LRRC42: variants seen among roughly 807,000 people sequenced by gnomAD.
LRRC42 encodes leucine-rich repeat-containing protein 42.
In LRRC42, 43 loss-of-function variants were observed where a neutral mutation model predicts 44.3. The ratio of observed to expected loss-of-function variants is 0.97; its 90% CI spans 0.76 to 1.25. The LOEUF is 1.25. Among genes scored for constraint, LRRC42 ranks in the 50% most tolerant of loss-of-function variants. LRRC42 has a pLI of 0.00. For synonymous variants in LRRC42, 207 were observed against 195.2 expected, an observed-to-expected ratio of 1.06 and a Z score of -0.50; for missense variants, 540 against 509.1, an observed-to-expected ratio of 1.06 and a Z score of -0.58.
At chr1:53,952,557 C>T (rs1190061604) in intron 3 of LRRC42, 85 bp downstream of exon 3, 24 of 1,121,522 alleles carry the variant, frequency 2.1e-5, no homozygotes, top group Non-Finnish European at 2.9e-5. Context: ...TCAGGGGCTT[C>T]CCTCATCAAA....
rs774913595 is a variant in LRRC42, at chr1:53,962,413, C to T, written c.927+4C>T. The T allele has an allele frequency of 6.3e-6, 10 of 1,586,474 alleles. No individual in the cohort carries two copies. The East Asian group carries it at 6.7e-5, about 11-fold the overall frequency. On this transcript the variant is annotated splice_donor_region_variant and intron_variant, in intron 7 of 8. Coordinates refer to ENST00000371370, the MANE Select transcript of LRRC42 (RefSeq NM_001256409.2). ...GACAGAGGGCTGGGCTGACCAGGTA[C>T]TCCAGATTTTTCTTCCTTGCGGTTG...
intron 4 of LRRC42, among the ~76,000 whole-genome samples, chr1:53,959,357 G>T (rs944289720): frequency 6.6e-6 from 1 of 152,140 alleles, no homozygotes. Flanking sequence ...CTGATCTCAG[G>T]TTATTCTGGC....
At position 53,966,360 on chromosome 1, in the gene LRRC42, G is replaced by A. The variant is rs1557650173; in HGVS notation, c.992G>A (p.Arg331Lys). Residue 331 changes from arginine to lysine, a missense_variant, in exon 8 of 9, where the codon AGA becomes AAA. Arg to Lys is a conservative substitution (Grantham distance 26). Coordinates refer to ENST00000371370, the MANE Select transcript of LRRC42 (RefSeq NM_001256409.2). ...AAGCCACGGGAGACCTCGGAGCCTA[G>A]AGCAGCAGCTCAGCGCTTCTGTGAG... The part of the protein sequence containing the change: ...AVKPRETSEP[R>K]AAAQRFYGKR... 1 of 1,613,742 alleles carries A rather than the reference G, an allele frequency of 6.2e-7. No homozygotes were observed. Among genetic ancestry groups the A allele is most frequent in the East Asian group, 2.2e-5 (1 of 44,884 alleles).
chr1:53,957,086 C>CTT (rs1017136894), intron 3 of LRRC42, among the ~76,000 whole-genome samples: 2 of 152,118 alleles, frequency 1.3e-5, no homozygotes, highest in Admixed American at 1.3e-4. Context: ...TTGAGTACAT[C>CTT]TTTTTTTGGT....
At chr1:53,965,193 A>C (rs1480534566) in intron 7 of LRRC42, among the ~76,000 whole-genome samples, 1 of 150,894 alleles carries the variant, frequency 6.6e-6, no homozygotes, top group East Asian at 2.0e-4. Context: ...GGGTTTGACC[A>C]TGTTGGCCAG....
chr1:53,958,260 C>G lies in LRRC42; in HGVS notation c.585C>G (p.Leu195=). ...ATGAGCATGAACTTCTAGAACATCT[C>G]ACCAATGAAGCCCTGTCTAGGTACT... is the stretch of plus-strand genomic sequence containing the variant. ...LGDEHELLEH[L]TNEALSSVTQ... Residue 195 remains leucine, a synonymous_variant, in exon 4 of 9, where the codon CTC becomes CTG. Transcript: ENST00000371370. The G allele has an allele frequency of 1.2e-6, 2 of 1,613,726 alleles. No homozygotes were observed. The highest frequency in any genetic ancestry group is 1.7e-6 in the Non-Finnish European group (2 of 1,179,708).
chr1:53,967,763 C>G lies in LRRC42; in HGVS notation c.1111C>G (p.Pro371Ala). ...EKLQFYKEKA[P>A]DCHGPVLKHE... ...ACTCCAGTTCTATAAAGAGAAAGCC[C>G]CAGATTGCCATGGGCCAGTGTTGAA... The change falls in exon 9 of 9, where the codon CCA becomes GCA. Residue 371 changes from proline (P) to alanine (A), a missense_variant. Pro to Ala is a conservative substitution (Grantham distance 27, BLOSUM62 -1). Coordinates refer to ENST00000371370, the MANE Select transcript of LRRC42 (RefSeq NM_001256409.2). The G allele has an allele frequency of 1.2e-6, 2 of 1,614,092 alleles. No individual in the cohort carries two copies. Among genetic ancestry groups the G allele is most frequent in the Non-Finnish European group, 1.7e-6 (2 of 1,180,036 alleles).
Position 53,952,186 on chromosome 1 carries a change from A to G in LRRC42, c.187A>G (p.Thr63Ala). Reference protein sequence around the residue: ...VELCMNREDDTARKEKTDHFI... With the variant: ...VELCMNREDDAARKEKTDHFI... The stretch of plus-strand genomic sequence containing the variant: ...GCTTTGCATGAACAGGGAAGACGAC[A>G]CTGCACGGAAAGAGAAGACTGATCA... The change falls in exon 3 of 9, where the codon ACT becomes GCT. Residue 63 changes from threonine to alanine, a missense_variant. Physicochemically the swap from Thr to Ala is moderately conservative, Grantham distance 58 (BLOSUM62 0). Transcript: ENST00000371370. 1.9e-6 allele frequency: 3 copies of G among 1,614,128 alleles called. No individual in the cohort carries two copies. Among genetic ancestry groups the G allele is most frequent in the Non-Finnish European group, 2.5e-6 (3 of 1,179,956 alleles).
chr1:53,947,280 G>A (rs1156963851), intron 1 of LRRC42, among the ~76,000 whole-genome samples: 4 of 152,034 alleles, frequency 2.6e-5, no homozygotes, highest in Non-Finnish European at 5.9e-5. Context: ...AGGGAGTGGG[G>A]TTAGGATTTT....
intron 2 of LRRC42, among the ~76,000 whole-genome samples, chr1:53,951,481 A>G (rs1325388715): frequency 2.6e-5 from 4 of 152,094 alleles, no homozygotes; most frequent in African/African-American, 4.8e-5. Flanking sequence ...CTGGAGTGCA[A>G]TGAAACAATC....
chr1:53,962,433 C>A lies in LRRC42; in HGVS notation c.927+24C>A, dbSNP rs111702811. 6.4e-6 allele frequency: 9 copies of A among 1,396,694 alleles called. No individual in the cohort carries two copies. The South Asian group carries it at 9.3e-5, about 14-fold the overall frequency. 86.5% of individuals were successfully genotyped at this position (1,396,694 alleles called of 1,614,324 possible). A position where few individuals can be genotyped will look rare whatever the true frequency, so the allele number is the denominator to read the frequency against. Reference sequence around the variant, plus strand: ...AGGTACTCCAGATTTTTCTTCCTTGCGGTTGATGCAGCTTTTCATCTTAAT... The same window carrying A: ...AGGTACTCCAGATTTTTCTTCCTTGAGGTTGATGCAGCTTTTCATCTTAAT... On this transcript the variant is annotated intron_variant, in intron 7 of 8. Transcript: ENST00000371370.
rs1177479457 is a variant in LRRC42, at chr1:53,962,085, A to G, written c.776A>G (p.Lys259Arg). ...AGIGYLFSFRKLNCLDISGTG... is the reference protein window; with the variant it reads ...AGIGYLFSFRRLNCLDISGTG... ...ATTGGATACCTCTTTTCTTTTAGGAAACTAAACTGCTTAGATATCTCTGGG... is the reference window on the plus strand; with the variant it reads ...ATTGGATACCTCTTTTCTTTTAGGAGACTAAACTGCTTAGATATCTCTGGG... Residue 259 changes from lysine (K) to arginine (R), a missense_variant, in exon 6 of 9, where the codon AAA becomes AGA. By Grantham distance (26) the Lys-to-Arg change is conservative. Coordinates refer to ENST00000371370, the MANE Select transcript of LRRC42 (RefSeq NM_001256409.2). 6.2e-7 allele frequency: 1 copy of G among 1,614,048 alleles called. No homozygotes were observed. The highest frequency in any genetic ancestry group is 8.5e-7 in the Non-Finnish European group (1 of 1,179,938).
intron 4 of LRRC42, among the ~76,000 whole-genome samples, chr1:53,959,250 T>A (rs553585804): frequency 7.2e-5 from 11 of 152,334 alleles, no homozygotes; most frequent in Admixed American, 5.9e-4. Flanking sequence ...GCTACAATTA[T>A]AAAGAAAATG....
intron 3 of LRRC42, among the ~76,000 whole-genome samples, chr1:53,954,421 C>T (rs764677764): frequency 1.1e-4 from 17 of 152,124 alleles, no homozygotes; most frequent in Non-Finnish European, 2.2e-4. Flanking sequence ...ATTTAAAATA[C>T]GTTTTACCCT....
chr1:53,958,081 A>G, intron 3 of LRRC42, 68 bp from the exon 4 acceptor site: 1 of 1,594,662 alleles, frequency 6.3e-7, no homozygotes, highest in South Asian at 1.1e-5. Context: ...ACTATGATAC[A>G]AATCCACAAA....
intron 2 of LRRC42, among the ~76,000 whole-genome samples, chr1:53,950,326 A>AGTAG (rs1354203310): frequency 2.0e-5 from 3 of 152,230 alleles, no homozygotes; most frequent in Non-Finnish European, 4.4e-5. Context: ...AGGGCCAAAG[A>AGTAG]GTAGGACATA....
chr1:53,950,409 T>A (rs1654639829), intron 2 of LRRC42, among the ~76,000 whole-genome samples: 1 of 152,228 alleles, frequency 6.6e-6, no homozygotes, highest in African/African-American at 2.4e-5. Flanking sequence ...TTTATACACA[T>A]AATTATCCTT....
Position 53,967,655 on chromosome 1 carries a change from T to C in LRRC42, c.1013-10T>C, listed in dbSNP as rs1569852207. 6.2e-7 allele frequency: 1 copy of C among 1,613,082 alleles called. No individual in the cohort carries two copies. Among genetic ancestry groups the C allele is most frequent in the Non-Finnish European group, 8.5e-7 (1 of 1,179,346 alleles). On this transcript the variant is annotated splice_polypyrimidine_tract_variant and intron_variant, in intron 8 of 8. Transcript: ENST00000371370. ...TGTAGTGAACTCATCATCCCTCCCT[T>C]CTGTCACAGATGGGAAGCGGTCTCG...
chr1:53,966,584 ATTAC>A (rs756152865), intron 8 of LRRC42, among the ~76,000 whole-genome samples: 30 of 152,298 alleles, frequency 2.0e-4, no homozygotes, highest in Non-Finnish European at 2.5e-4. Context: ...GCTTTTTAAA[ATTAC>A]TTACTTACGT....
Sources: allele counts gnomAD v4.1 joint callset (sites outside exome capture counted in the v4.1 genomes callset), GRCh38; gene constraint gnomAD v4.1.1; transcripts MANE v1.5; gene names NCBI Gene and HGNC (gene_info 2026-07-23, HGNC 2026-07-21).